The following MMP17 variants were observed in gnomAD, a reference collection of about 807,000 sequenced individuals.
MMP17 encodes matrix metalloproteinase-17.
Under a neutral mutation model 49.1 loss-of-function variants are expected in MMP17, and 54 were observed. That is an observed-to-expected ratio of 1.10 (90% CI 0.88 to 1.38). The LOEUF (loss-of-function observed/expected upper bound fraction) is 1.38. Among genes scored for constraint, MMP17 ranks in the 40% most tolerant of loss-of-function variants. MMP17 has a pLI of 0.00. For synonymous variants in MMP17, 397 were observed against 383.1 expected, an observed-to-expected ratio of 1.04 and a Z score of -0.42; for missense variants, 837 against 853.7, an observed-to-expected ratio of 0.98 and a Z score of 0.24.
intron 1 of MMP17, among the ~76,000 whole-genome samples, chr12:131,831,668 G>A (rs1303361304): frequency 6.6e-6 from 1 of 150,642 alleles, no homozygotes; most frequent in Non-Finnish European, 1.5e-5. Flanking sequence ...ATGGCTCCGG[G>A]GATGTTGTTT....
intron 5 of MMP17, 72 bp downstream of exon 5, chr12:131,841,872 G>A: frequency 6.9e-7 from 1 of 1,456,030 alleles, no homozygotes; most frequent in Middle Eastern, 2.5e-4. Flanking sequence ...CCCCTGAGCA[G>A]AGCCCCCCCG....
chr12:131,840,439 TG>T, intron 3 of MMP17, 133 bp from the exon 4 acceptor site: 1 of 903,682 alleles, frequency 1.1e-6, no homozygotes, highest in Non-Finnish European at 1.7e-6. Flanking sequence ...ACTCCTGGCG[TG>T]GGGAGGAAGG....
At chr12:131,837,453 G>A (rs1481613484) in intron 1 of MMP17, among the ~76,000 whole-genome samples, 1 of 152,120 alleles carries the variant, frequency 6.6e-6, no homozygotes, top group African/African-American at 2.4e-5. Context: ...CCCCATGAAT[G>A]TACAGCATGG....
rs772072017 is a variant in MMP17, at chr12:131,841,770, G to A, written c.853G>A (p.Glu285Lys). ...GDPLRYGLPY[E>K]DKVRVWQLYG... is the part of the protein sequence containing the mutation. The stretch of plus-strand genomic sequence containing the variant: ...CCCGCTGCGCTACGGGCTCCCCTAC[G>A]AGGACAAGGTGCGCGTCTGGCAGCT... Residue 285 changes from glutamate (E) to lysine (K), a missense_variant, in exon 5 of 10, where the codon GAG becomes AAG. By Grantham distance (56) the Glu-to-Lys change is moderately conservative. Transcript: ENST00000360564. 10 of 1,609,888 alleles carry A rather than the reference G, an allele frequency of 6.2e-6. No individual in the cohort carries two copies. The highest frequency in any genetic ancestry group is 2.2e-5 in the East Asian group (1 of 44,708).
chr12:131,837,195 G>A (rs549223939), intron 1 of MMP17, among the ~76,000 whole-genome samples: 1 of 152,222 alleles, frequency 6.6e-6, no homozygotes, highest in Non-Finnish European at 1.5e-5. Context: ...GCCTGCCAAG[G>A]ACTCTGAGGA....
intron 1 of MMP17, among the ~76,000 whole-genome samples, chr12:131,837,774 G>A (rs61943910): frequency 6.6e-6 from 1 of 152,082 alleles, no homozygotes; most frequent in Non-Finnish European, 1.5e-5. Flanking sequence ...GCAGTGGCAC[G>A]ATCTCGGCTC....
rs55938259 is a variant in MMP17 at position 131,843,267 on chromosome 12, C to CT, written c.884-706dup. 4.7e-3 allele frequency among the ~76,000 whole-genome samples: 506 copies of CT among 107,970 alleles called. 9 individuals are homozygous for CT. The highest frequency in any genetic ancestry group is 0.025 in the Admixed American group (249 of 10,068). The allele number at this position is 107,970 out of a possible 152,430, so 70.8% of individuals were successfully genotyped here. The stretch of plus-strand genomic sequence containing the variant: ...AGGCGTGAGCCACCGCACCTGGCCT[C>CT]TTTTTTTTTTTTTTTTTTTTTTTTA... On this transcript the variant is annotated intron_variant, in intron 5 of 9. Coordinates refer to ENST00000360564, the MANE Select transcript of MMP17 (RefSeq NM_016155.7).
chr12:131,841,258 C>G (rs1470453567), intron 4 of MMP17, among the ~76,000 whole-genome samples: 2 of 152,254 alleles, frequency 1.3e-5, no homozygotes, highest in Non-Finnish European at 1.5e-5. Flanking sequence ...CCTGGGAGCC[C>G]AGGCCCGTCT....
At chr12:131,843,267 CTTTT>C (rs55938259) in intron 5 of MMP17, among the ~76,000 whole-genome samples, 101 of 107,982 alleles carry the variant, frequency 9.4e-4, no homozygotes, top group South Asian at 5.0e-3. Context: ...CACCTGGCCT[CTTTT>C]TTTTTTTTTT....
intron 8 of MMP17, among the ~76,000 whole-genome samples, chr12:131,847,238 C>T (rs934060301): frequency 2.0e-5 from 3 of 151,966 alleles, no homozygotes; most frequent in Non-Finnish European, 4.4e-5. Flanking sequence ...CGGTGAAACC[C>T]CGTCTCTACT....
At chr12:131,833,668 G>A (rs1593222489) in intron 1 of MMP17, among the ~76,000 whole-genome samples, 1 of 152,252 alleles carries the variant, frequency 6.6e-6, no homozygotes, top group African/African-American at 2.4e-5. Context: ...TTTCTCATCT[G>A]TAAAATGGGG....
At position 131,838,213 on chromosome 12, in the gene MMP17, G is replaced by A. The variant is rs746751214; in HGVS notation, c.178G>A (p.Gly60Ser). 15 of 1,612,948 alleles carry A rather than the reference G, an allele frequency of 9.3e-6. No homozygotes were observed. The highest frequency in any genetic ancestry group is 2.2e-5 in the East Asian group (1 of 44,860). The change falls in exon 2 of 10, where the codon GGT (glycine) becomes AGT (serine). Residue 60 changes from glycine to serine, a missense_variant. Transcript: ENST00000360564. Reference protein sequence around the residue: ...SLGVEWLSRFGYLPPADPTTG... With the variant: ...SLGVEWLSRFSYLPPADPTTG... ...CCCTCAGGAGTGGCTAAGCAGGTTCGGTTACCTGCCCCCGGCTGACCCCAC... is the reference window on the plus strand; with the variant it reads ...CCCTCAGGAGTGGCTAAGCAGGTTCAGTTACCTGCCCCCGGCTGACCCCAC...
chr12:131,831,543 C>T (rs1461472623), intron 1 of MMP17, among the ~76,000 whole-genome samples: 3 of 151,868 alleles, frequency 2.0e-5, no homozygotes, highest in Admixed American at 6.6e-5. Context: ...GAGCTTCAGG[C>T]GAGCACCCCC....
intron 1 of MMP17, among the ~76,000 whole-genome samples, chr12:131,834,538 C>T (rs1043578378): frequency 3.9e-5 from 6 of 152,000 alleles, no homozygotes; most frequent in Non-Finnish European, 7.4e-5. Flanking sequence ...GGGAGGGGGA[C>T]ACCTGGAGCG....
At position 131,845,370 on chromosome 12, in the gene MMP17, G is replaced by T. The variant is rs1438120519; in HGVS notation, c.1125G>T (p.Trp375Cys). The T allele has an allele frequency of 1.9e-6, 3 of 1,598,152 alleles. No individual in the cohort carries two copies. Among genetic ancestry groups the T allele is most frequent in the Non-Finnish European group, 2.6e-6 (3 of 1,174,338 alleles). Residue 375 changes from tryptophan (W) to cysteine (C), a missense_variant, in exon 8 of 10, where the codon TGG (tryptophan) becomes TGT (cysteine). Coordinates refer to ENST00000360564, the MANE Select transcript of MMP17 (RefSeq NM_016155.7). ...SLQPAQMHRFWRGLPLHLDSV... is the reference protein window; with the variant it reads ...SLQPAQMHRFCRGLPLHLDSV... ...AGCCGGCACAGATGCACCGCTTCTGGCGGGGCCTGCCGCTGCACCTGGACA... is the reference window on the plus strand; with the variant it reads ...AGCCGGCACAGATGCACCGCTTCTGTCGGGGCCTGCCGCTGCACCTGGACA...
intron 1 of MMP17, among the ~76,000 whole-genome samples, chr12:131,833,284 G>C (rs7134349): frequency 0.093 from 14,099 of 152,330 alleles, 707 homozygotes; most frequent in Middle Eastern, 0.17. Flanking sequence ...TTGGCTGTTA[G>C]GATCGAATAG....
chr12:131,847,448 T>C (rs534222164), intron 8 of MMP17, among the ~76,000 whole-genome samples: 9 of 149,060 alleles, frequency 6.0e-5, no homozygotes, highest in East Asian at 2.0e-4. Flanking sequence ...AGACAGTACC[T>C]GGACTAAAAA....
At position 131,828,417 on chromosome 12, in the gene MMP17, G is replaced by A. The variant is rs1886615168; in HGVS notation, c.-78G>A. 7 of 850,332 alleles carry A rather than the reference G, an allele frequency of 8.2e-6. No individual in the cohort carries two copies. Among genetic ancestry groups the A allele is most frequent in the Non-Finnish European group, 9.9e-6 (7 of 706,606 alleles). The allele number at this position is 850,332 out of a possible 1,614,324, so 52.7% of individuals were successfully genotyped here. The stretch of plus-strand genomic sequence containing the variant: ...CAGTCCGGCGGGGGCGCCGCGGAGA[G>A]CGGAGGGCGCCGGGCTGCGGAACGC... On this transcript the variant is annotated 5_prime_UTR_variant, in exon 1 of 10. Coordinates refer to ENST00000360564, the MANE Select transcript of MMP17 (RefSeq NM_016155.7).
chr12:131,841,602 A>C, intron 4 of MMP17, 22 bp from the exon 5 acceptor site: 1 of 1,613,638 alleles, frequency 6.2e-7, no homozygotes, highest in Non-Finnish European at 8.5e-7. Flanking sequence ...CCCTTAGTTC[A>C]CATGGCTCCC....
Sources: gnomAD v4.1 joint callset for allele counts (sites outside exome capture counted in the v4.1 genomes callset) on GRCh38, gnomAD v4.1.1 for gene constraint, MANE v1.5 for transcripts, NCBI Gene and HGNC (gene_info 2026-07-23, HGNC 2026-07-21) for gene names.